NFATC2: variants seen among roughly 807,000 people sequenced by gnomAD.
NFATC2 encodes the protein nuclear factor of activated T-cells, cytoplasmic 2.
NFATC2 carries 22 observed loss-of-function variants against 87.3 expected under a neutral mutation model. The observed-to-expected ratio is 0.25, with a 90% CI of 0.18 to 0.36. The LOEUF (loss-of-function observed/expected upper bound fraction) is 0.36, where lower values mean the gene tolerates loss of function less well. Among genes scored for constraint, NFATC2 ranks in the 10% least tolerant of loss-of-function variants. The pLI is 1.00. For synonymous variants in NFATC2, 565 were observed against 542.2 expected, an observed-to-expected ratio of 1.04 and a Z score of -0.58; for missense variants, 1,149 against 1,259.1, an observed-to-expected ratio of 0.91 and a Z score of 1.32.
In NFATC2 at chr20:51,391,569, G is replaced by T. The variant is rs1420844000; in HGVS notation, c.*45-118C>A. Reference sequence around the variant, plus strand: ...TTGGGCTATTGATTTTTGAGACAAGGTCTTGCTCTGTCACCCAGGCTGGAG... The same window carrying T: ...TTGGGCTATTGATTTTTGAGACAAGTTCTTGCTCTGTCACCCAGGCTGGAG... On this transcript the variant is annotated intron_variant, in intron 10 of 10. Transcript: ENST00000371564. The T allele has an allele frequency of 3.8e-6, 4 of 1,059,296 alleles. No homozygotes were observed. In the East Asian group the frequency reaches 9.7e-5, roughly 26 times the overall value. 65.6% of individuals were successfully genotyped at this position (1,059,296 alleles called of 1,614,324 possible). A position where few individuals can be genotyped will look rare whatever the true frequency, so the allele number is the denominator to read the frequency against.
intron 5 of NFATC2, among the ~76,000 whole-genome samples, chr20:51,455,181 A>G (rs544202733): frequency 6.6e-6 from 1 of 152,344 alleles, no homozygotes; most frequent in African/African-American, 2.4e-5. Flanking sequence ...TGACTTTGGA[A>G]TTCATTTATG....
At chr20:51,475,313 C>A in intron 4 of NFATC2, 145 bp downstream of exon 4, 2 of 795,384 alleles carry the variant, frequency 2.5e-6, no homozygotes, top group Admixed American at 2.5e-5. Flanking sequence ...ACAGAAATCA[C>A]AACGGGTCGA....
chr20:51,424,315 T>C (rs1568956006), intron 9 of NFATC2, among the ~76,000 whole-genome samples: 1 of 152,004 alleles, frequency 6.6e-6, no homozygotes, highest in Non-Finnish European at 1.5e-5. Context: ...AGGCCAAGAG[T>C]CAGCCTCCTG....
At chr20:51,486,649 G>A (rs112124987) in intron 3 of NFATC2, among the ~76,000 whole-genome samples, 14 of 136,262 alleles carry the variant, frequency 1.0e-4, no homozygotes, top group Admixed American at 6.1e-4. Flanking sequence ...CACCTCCGAC[G>A]GTATTTGGCA....
At chr20:51,413,303 T>C (rs979355450) in intron 9 of NFATC2, among the ~76,000 whole-genome samples, 12 of 151,922 alleles carry the variant, frequency 7.9e-5, no homozygotes, top group Non-Finnish European at 1.8e-4. Flanking sequence ...GGCCCTGGGT[T>C]CCAAAGCCAT....
intron 1 of NFATC2, among the ~76,000 whole-genome samples, chr20:51,556,708 T>C (rs2076981201): frequency 2.2e-5 from 1 of 45,628 alleles, no homozygotes; most frequent in African/African-American, 4.7e-5. Context: ...GGACCAACAG[T>C]GCCCGTTGAG....
chr20:51,391,787 A>T (rs1986381888), intron 10 of NFATC2, among the ~76,000 whole-genome samples: 1 of 152,166 alleles, frequency 6.6e-6, no homozygotes, highest in South Asian at 2.1e-4. Context: ...AAGTGTTGGG[A>T]TTACAGGCAT....
At chr20:51,417,668 G>C (rs1980234498) in intron 9 of NFATC2, among the ~76,000 whole-genome samples, 1 of 152,178 alleles carries the variant, frequency 6.6e-6, no homozygotes, top group Non-Finnish European at 1.5e-5. Context: ...GACATTTGAT[G>C]AACAGCCTTC....
intron 9 of NFATC2, among the ~76,000 whole-genome samples, chr20:51,405,718 C>T (rs1988498197): frequency 6.6e-6 from 1 of 152,168 alleles, no homozygotes; most frequent in South Asian, 2.1e-4. Flanking sequence ...GGACAGAGCC[C>T]AGCACATAGT....
At chr20:51,542,062 A>C (rs969611206) in intron 1 of NFATC2, among the ~76,000 whole-genome samples, 2 of 152,162 alleles carry the variant, frequency 1.3e-5, no homozygotes, top group African/African-American at 4.8e-5. Flanking sequence ...GCAAGAGGCC[A>C]GCAGACAGCA....
chr20:51,499,786 A>G (rs1460424641), intron 3 of NFATC2, among the ~76,000 whole-genome samples: 2 of 152,002 alleles, frequency 1.3e-5, no homozygotes, highest in Non-Finnish European at 2.9e-5. Flanking sequence ...AGAAATCTAA[A>G]ACACTTCTGC....
chr20:51,544,031 A>G (rs1364064401), upstream of NFATC2, among the ~76,000 whole-genome samples: 1 of 114,520 alleles, frequency 8.7e-6, no homozygotes, highest in African/African-American at 3.4e-5. Flanking sequence ...TCTGTCGCCC[A>G]GGCTGGAGTG....
intron 9 of NFATC2, among the ~76,000 whole-genome samples, chr20:51,420,013 CA>C (rs11318467): frequency 0.66 from 95,168 of 143,258 alleles, 33,124 homozygotes; most frequent in Non-Finnish European, 0.8. Flanking sequence ...ATAATGGTAC[CA>C]AAAAAAAAAA....
chr20:51,500,805 TACCCCCACACTCACCACCCTCACCCCC>T (rs2076075426), intron 3 of NFATC2, among the ~76,000 whole-genome samples: 1 of 282 alleles, frequency 3.5e-3, no homozygotes, highest in African/African-American at 0.022. Flanking sequence ...CCCGCACCTC[TACCCCCACACTCACCACCCTCACCCCC>T]ACCCCCACCC....
intron 5 of NFATC2, among the ~76,000 whole-genome samples, chr20:51,465,779 T>A (rs1987621965): frequency 6.6e-6 from 1 of 151,986 alleles, no homozygotes; most frequent in African/African-American, 2.4e-5. Context: ...GACACTTGGC[T>A]CTCAAATGCT....
chr20:51,398,753 T>C, intron 9 of NFATC2, 23 bp from the exon 10 acceptor site: 2 of 1,533,322 alleles, frequency 1.3e-6, no homozygotes, highest in South Asian at 1.1e-5. Flanking sequence ...TGCAAAATCA[T>C]TTTTGAGAAG....
At chr20:51,517,645 A>C (rs554141133) in intron 2 of NFATC2, among the ~76,000 whole-genome samples, 2 of 152,032 alleles carry the variant, frequency 1.3e-5, no homozygotes, top group South Asian at 2.1e-4. Flanking sequence ...GGCTGGGTGC[A>C]GTGGCTCATG....
intron 6 of NFATC2, among the ~76,000 whole-genome samples, chr20:51,439,868 G>T (rs748951262): frequency 3.3e-5 from 5 of 152,200 alleles, no homozygotes; most frequent in South Asian, 2.1e-4. Flanking sequence ...AACATATGGA[G>T]ATAATCATAG....
At chr20:51,424,946 A>G (rs960138763) in intron 9 of NFATC2, among the ~76,000 whole-genome samples, 1 of 152,080 alleles carries the variant, frequency 6.6e-6, no homozygotes, top group Non-Finnish European at 1.5e-5. Flanking sequence ...TGTTGAAAAA[A>G]ATCTTCCATA....
Sources: gnomAD v4.1 joint callset for allele counts (sites outside exome capture counted in the v4.1 genomes callset) on GRCh38, gnomAD v4.1.1 for gene constraint, MANE v1.5 for transcripts, NCBI Gene and HGNC (gene_info 2026-07-23, HGNC 2026-07-21) for gene names.